MYOM2: variants seen among roughly 807,000 people sequenced by gnomAD.
MYOM2 encodes the protein myomesin 2, also known as myomesin-2.
A neutral mutation model predicts 187.6 loss-of-function variants in MYOM2; 254 were observed. That is an observed-to-expected ratio of 1.35 (90% CI 1.22 to 1.50). The LOEUF (loss-of-function observed/expected upper bound fraction) is 1.50. Ranked by LOEUF, MYOM2 falls within the 40% of genes most tolerant of loss-of-function variation. MYOM2 has a pLI of 0.00. For missense variants in MYOM2, 2,796 were observed against 1,924.0 expected (o/e 1.45, Z -8.48); for synonymous variants, 981 against 753.8 (o/e 1.30, Z -4.94).
At chr8:2,065,928 G>C (rs182152125) in intron 6 of MYOM2, among the ~76,000 whole-genome samples, 100 of 152,318 alleles carry the variant, frequency 6.6e-4, no homozygotes, top group African/African-American at 2.4e-3. Flanking sequence ...GCAGCACACG[G>C]GGGAGATTCC....
chr8:2,120,824 G>A (rs1797428254), intron 28 of MYOM2, among the ~76,000 whole-genome samples: 1 of 148,554 alleles, frequency 6.7e-6, no homozygotes, highest in Admixed American at 6.7e-5. Flanking sequence ...ATATATTAGT[G>A]ATAACTAGAG....
Position 2,072,367 on chromosome 8 carries a change from G to A in MYOM2, c.816G>A (p.Pro272=), listed in dbSNP as rs527580595. 10 of 1,613,504 alleles carry A rather than the reference G, an allele frequency of 6.2e-6. No individual in the cohort carries two copies. The highest frequency in any genetic ancestry group is 2.7e-5 in the African/African-American group (2 of 74,964). ...CAGTGCCCCTGTCATCGATGATTCC[G>A]TACACGCACTTCGACGTCCAGTTTT... ...PIGLPLSSMI[P]YTHFDVQFLE... The change falls in exon 9 of 37, where the codon CCG becomes CCA. Residue 272 remains proline, a synonymous_variant. Coordinates refer to ENST00000262113, the MANE Select transcript of MYOM2 (RefSeq NM_003970.4).
At chr8:2,086,351 T>C (rs1395896057) in intron 14 of MYOM2, among the ~76,000 whole-genome samples, 604 of 46,750 alleles carry the variant, frequency 0.013, 69 homozygotes, top group Non-Finnish European at 0.021. Flanking sequence ...TTGTGATCTC[T>C]GCGTGGCCTC....
intron 2 of MYOM2, 46 bp from the exon 3 acceptor site, chr8:2,052,112 A>G (rs759578271): frequency 1.9e-6 from 3 of 1,606,746 alleles, no homozygotes; most frequent in African/African-American, 2.7e-5. Flanking sequence ...AAATTTCCAT[A>G]CTGTGCCTGA....
In MYOM2 at chr8:2,086,337, A is replaced by G. The variant is rs1335393494; in HGVS notation, c.1644+947A>G. ...AGTCGTGATCTCTGCGTGGCCCCCC[A>G]CTGTTGTGATCTCTGCGTGGCCTCC... On this transcript the variant is annotated intron_variant, in intron 14 of 36. Transcript: ENST00000262113. Among the ~76,000 whole-genome samples the G allele has an allele frequency of 1.4e-4, 14 of 102,322 alleles. 1 individual carries two copies. Among genetic ancestry groups the G allele is most frequent in the African/African-American group, 5.0e-4 (12 of 23,920 alleles). The allele number at this position is 102,322 out of a possible 152,430, so 67.1% of individuals were successfully genotyped here.
intron 11 of MYOM2, among the ~76,000 whole-genome samples, chr8:2,077,657 C>A (rs1232111783): frequency 2.0e-5 from 3 of 152,104 alleles, no homozygotes; most frequent in African/African-American, 7.2e-5. Flanking sequence ...TCTCCTGGGA[C>A]AGCTGATAAG....
rs1188111634 is a variant in MYOM2, at chr8:2,092,379, C to T, written c.1862C>T (p.Ser621Phe). 6.2e-7 allele frequency: 1 copy of T among 1,614,110 alleles called. No homozygotes were observed. Among genetic ancestry groups the T allele is most frequent in the Admixed American group, 1.7e-5 (1 of 60,012 alleles). ...VPSAPGRVLASRNTKTSVVVQ... is the reference protein window; with the variant it reads ...VPSAPGRVLAFRNTKTSVVVQ... ...TCTGCTCCGGGTCGGGTTCTTGCTTCCCGAAACACCAAGACGTCGGTGGTG... is the reference window on the plus strand; with the variant it reads ...TCTGCTCCGGGTCGGGTTCTTGCTTTCCGAAACACCAAGACGTCGGTGGTG... Residue 621 changes from serine (S) to phenylalanine (F), a missense_variant, in exon 16 of 37, where the codon TCC (serine) becomes TTC (phenylalanine). Ser to Phe is a radical substitution (Grantham distance 155). Transcript: ENST00000262113.
chr8:2,096,781 G>C (rs80133095), intron 18 of MYOM2, among the ~76,000 whole-genome samples: 3,073 of 152,220 alleles, frequency 0.02, 116 homozygotes, highest in African/African-American at 0.07. Context: ...GTGTGCCTGA[G>C]GGGAGGGTCA....
intron 11 of MYOM2, among the ~76,000 whole-genome samples, chr8:2,077,236 G>A (rs1252235080): frequency 6.6e-6 from 1 of 152,022 alleles, no homozygotes; most frequent in Non-Finnish European, 1.5e-5. Flanking sequence ...CTTGAACCAG[G>A]GAGGCGGTGG....
At chr8:2,109,273 C>T (rs1796989404) in intron 24 of MYOM2, 122 bp from the exon 25 acceptor site, 32 of 1,163,798 alleles carry the variant, frequency 2.7e-5, no homozygotes, top group Non-Finnish European at 3.8e-5. Flanking sequence ...TAATCTAATA[C>T]TCCAGGGTTT....
chr8:2,123,313 C>T lies in MYOM2; in HGVS notation c.3515C>T (p.Thr1172Met), dbSNP rs139807442. The change falls in exon 29 of 37, where the codon ACG becomes ATG. Residue 1172 changes from threonine (T) to methionine (M), a missense_variant. Thr to Met is a moderately conservative substitution (Grantham distance 81, BLOSUM62 -1). Transcript: ENST00000262113. Reference sequence around the variant, plus strand: ...CTCAAGGATGATGTTCTGTATGAAACGGAGACACTGCCTAACCTGGAGAGG... The same window carrying T: ...CTCAAGGATGATGTTCTGTATGAAATGGAGACACTGCCTAACCTGGAGAGG... ...KWLKDDVLYE[T>M]ETLPNLERGI... 1.4e-5 allele frequency: 23 copies of T among 1,613,938 alleles called. No individual in the cohort carries two copies. The highest frequency in any genetic ancestry group is 4.0e-5 in the African/African-American group (3 of 75,006).
intron 31 of MYOM2, among the ~76,000 whole-genome samples, chr8:2,127,395 T>G (rs948735791): frequency 5.9e-5 from 9 of 152,188 alleles, no homozygotes; most frequent in African/African-American, 2.2e-4. Context: ...GCGCACTTTT[T>G]GGCTTTCTTA....
intron 31 of MYOM2, among the ~76,000 whole-genome samples, chr8:2,126,820 C>A (rs1329139746): frequency 8.9e-6 from 1 of 112,282 alleles, no homozygotes; most frequent in East Asian, 2.7e-4. Flanking sequence ...CTGATAAAGT[C>A]TGGGGGAGCA....
chr8:2,120,670 A>ATAT (rs1797401336), intron 28 of MYOM2, among the ~76,000 whole-genome samples: 29 of 18,652 alleles, frequency 1.6e-3, no homozygotes, highest in African/African-American at 3.0e-3. Context: ...ATATATATAT[A>ATAT]TATATTATAT....
Position 2,090,176 on chromosome 8 carries a change from GC to G in MYOM2, c.1816del (p.Gln606ArgfsTer3), listed in dbSNP as rs1417948084. 4 of 1,613,426 alleles carry G rather than the reference GC, an allele frequency of 2.5e-6. No individual in the cohort carries two copies. The highest frequency in any genetic ancestry group is 3.4e-6 in the Non-Finnish European group (4 of 1,179,528). ...TTCGGAGATAACGTCCCCCATTCAG[GC>G]CCAGGATGTGACCGGTGAGCTGTCA... ...EPSEITSPIQ[A>X]QDVTVVPSAP... On this transcript the variant is annotated frameshift_variant, in exon 15 of 37. Transcript: ENST00000262113. LOFTEE classifies it high-confidence loss of function.
intron 6 of MYOM2, among the ~76,000 whole-genome samples, chr8:2,061,142 G>T (rs973177037): frequency 3.3e-5 from 5 of 151,588 alleles, no homozygotes; most frequent in Non-Finnish European, 2.9e-5. Context: ...CCTGGGGCCT[G>T]GTTGGGAAGA....
At chr8:2,120,689 A>ATATATATATATATTTATAATAT in intron 28 of MYOM2, among the ~76,000 whole-genome samples, 1 of 42,414 alleles carries the variant, frequency 2.4e-5, no homozygotes, top group Non-Finnish European at 4.7e-5. Flanking sequence ...ATTATATATA[A>ATATATATATATATTTATAATAT]ATATATAATA....
At chr8:2,054,993 G>C (rs62480486) in intron 3 of MYOM2, among the ~76,000 whole-genome samples, 1,185 of 36,766 alleles carry the variant, frequency 0.032, 19 homozygotes, top group South Asian at 0.071. Context: ...CTGGGGGGAC[G>C]AAGTACCTGG....
At position 2,134,427 on chromosome 8, in the gene MYOM2, C is replaced by T. The variant is rs150346375; in HGVS notation, c.3800+5195C>T. ...TCACTGGGTTAAGGCAATGTCTGCC[C>T]CGTCTCTTCCTGGGAACGTTATTAT... On this transcript the variant is annotated intron_variant, in intron 32 of 36. Coordinates refer to ENST00000262113, the MANE Select transcript of MYOM2 (RefSeq NM_003970.4). Among the ~76,000 whole-genome samples the T allele has an allele frequency of 4.7e-3, 713 of 152,298 alleles. 13 individuals carry two copies. The highest frequency in any genetic ancestry group is 0.044 in the East Asian group (230 of 5,184).
Sources: allele counts gnomAD v4.1 joint callset (sites outside exome capture counted in the v4.1 genomes callset), GRCh38; gene constraint gnomAD v4.1.1; transcripts MANE v1.5; gene names NCBI Gene and HGNC (gene_info 2026-07-23, HGNC 2026-07-21).